Variants in NSL1 observed in about 807,000 individuals in gnomAD.
NSL1 encodes the protein kinetochore-associated protein NSL1 homolog.
Under a neutral mutation model 25.4 loss-of-function variants are expected in NSL1, and 11 were observed. The ratio of observed to expected loss-of-function variants is 0.43; its 90% confidence interval spans 0.27 to 0.72. The LOEUF (loss-of-function observed/expected upper bound fraction) is 0.72. Among genes scored for constraint, NSL1 ranks in the 30% least tolerant of loss-of-function variants. NSL1 has a pLI of 0.19. For missense variants in NSL1, 330 were observed against 342.7 expected, an observed-to-expected ratio of 0.96 and a Z score of 0.29; for synonymous variants, 118 against 120.6, an observed-to-expected ratio of 0.98 and a Z score of 0.14.
chr1:212,761,580 G>A (rs981961247), intron 4 of NSL1, among the ~76,000 whole-genome samples: 7 of 152,048 alleles, frequency 4.6e-5, no homozygotes, highest in African/African-American at 1.5e-4. Flanking sequence ...GCTGCAGTGA[G>A]CTGTGACTGT....
intron 1 of NSL1, among the ~76,000 whole-genome samples, chr1:212,790,450 T>C (rs1050192212): frequency 1.3e-5 from 2 of 152,206 alleles, no homozygotes; most frequent in African/African-American, 4.8e-5. Flanking sequence ...TTCCCAAGCC[T>C]TTCTTAAATA....
intron 3 of NSL1, 81 bp downstream of exon 3, chr1:212,784,282 T>C (rs751193075): frequency 2.2e-6 from 2 of 917,712 alleles, no homozygotes; most frequent in Admixed American, 5.1e-5. Context: ...AAATGTCACT[T>C]ATCTCCACGT....
At chr1:212,768,524 G>A (rs1659945006) in intron 4 of NSL1, among the ~76,000 whole-genome samples, 1 of 152,110 alleles carries the variant, frequency 6.6e-6, no homozygotes, top group Non-Finnish European at 1.5e-5. Context: ...TAAAGAAAAT[G>A]TGAATCCTAC....
chr1:212,763,014 C>T (rs754949559), intron 4 of NSL1, among the ~76,000 whole-genome samples: 3 of 152,186 alleles, frequency 2.0e-5, no homozygotes, highest in Admixed American at 6.5e-5. Context: ...AGGAGCTGGG[C>T]GTCCGGCCTT....
Position 212,729,134 on chromosome 1 carries a change from GT to G in NSL1, c.*9273del, listed in dbSNP as rs1657905957. ...AGGAATATATTAGTGTTCCATCGTA[GT>G]TTCTAAAACCAGACAAAATCATTTC... On this transcript the variant is annotated 3_prime_UTR_variant, in exon 6 of 6. Transcript: ENST00000366977. 1 of 985,308 alleles carries G rather than the reference GT, an allele frequency of 1.0e-6. No homozygotes were observed. Among genetic ancestry groups the G allele is most frequent in the African/African-American group, 1.7e-5 (1 of 57,246 alleles). The allele number at this position is 985,308 out of a possible 1,614,324, so 61.0% of individuals were successfully genotyped here.
At chr1:212,757,555 C>T (rs1353414913) in intron 4 of NSL1, among the ~76,000 whole-genome samples, 2 of 152,122 alleles carry the variant, frequency 1.3e-5, no homozygotes, top group Non-Finnish European at 1.5e-5. Flanking sequence ...AGTGAGCTTT[C>T]AATCATGATG....
At position 212,737,894 on chromosome 1, in the gene NSL1, G is replaced by GTAT; in HGVS notation, c.*511_*513dup. The GTAT allele has an allele frequency of 6.1e-6, 6 of 985,236 alleles. No homozygotes were observed. In the South Asian group the frequency reaches 2.8e-4, roughly 46 times the overall value. The allele number at this position is 985,236 out of a possible 1,614,324, so 61.0% of individuals were successfully genotyped here. A position where few individuals can be genotyped will look rare whatever the true frequency, so the allele number is the denominator to read the frequency against. On this transcript the variant is annotated 3_prime_UTR_variant, in exon 6 of 6. Coordinates refer to ENST00000366977, the MANE Select transcript of NSL1 (RefSeq NM_015471.4). ...ACATGGAGTAACAAAGTCAAAGCCA[G>GTAT]TATTATCATCAGCACATTAATTTGA...
chr1:212,770,701 C>T (rs1660062615), intron 4 of NSL1, among the ~76,000 whole-genome samples: 1 of 152,132 alleles, frequency 6.6e-6, no homozygotes, highest in African/African-American at 2.4e-5. Flanking sequence ...TCTGTGAGAA[C>T]AGTATTACCC....
chr1:212,746,278 G>C (rs566569288), intron 4 of NSL1, among the ~76,000 whole-genome samples: 34 of 152,102 alleles, frequency 2.2e-4, no homozygotes, highest in African/African-American at 8.2e-4. Flanking sequence ...CATAAAGGGG[G>C]AGAAACAGAG....
intron 4 of NSL1, among the ~76,000 whole-genome samples, chr1:212,775,025 C>T (rs1660297969): frequency 6.6e-6 from 1 of 152,024 alleles, no homozygotes. Flanking sequence ...ATATAAAATA[C>T]ATAGTATATG....
In NSL1 at chr1:212,732,221, C is replaced by T. The variant is rs944158146; in HGVS notation, c.*6187G>A. ...ACATCTTAATCATATTACAAAACATCTCCTTTATACAATTTTCTGCATAGT... is the reference window on the plus strand; with the variant it reads ...ACATCTTAATCATATTACAAAACATTTCCTTTATACAATTTTCTGCATAGT... On this transcript the variant is annotated 3_prime_UTR_variant, in exon 6 of 6. Coordinates refer to ENST00000366977, the MANE Select transcript of NSL1 (RefSeq NM_015471.4). 19 of 981,282 alleles carry T rather than the reference C, an allele frequency of 1.9e-5. No individual in the cohort carries two copies. Among genetic ancestry groups the T allele is most frequent in the Non-Finnish European group, 2.3e-5 (19 of 826,548 alleles). 60.8% of individuals were successfully genotyped at this position (981,282 alleles called of 1,614,324 possible). A position where few individuals can be genotyped will look rare whatever the true frequency, so the allele number is the denominator to read the frequency against.
Position 212,790,930 on chromosome 1 carries a change from A to AAAAT in NSL1, c.234+599_234+600insATTT, listed in dbSNP as rs1558069990. Among the ~76,000 whole-genome samples, 12 of 151,224 alleles carry AAAAT rather than the reference A, an allele frequency of 7.9e-5. No individual in the cohort carries two copies. The East Asian group carries it at 9.6e-4, about 12-fold the overall frequency. On this transcript the variant is annotated intron_variant, in intron 1 of 5. Transcript: ENST00000366977. ...AGAGCGAGACTCTGTCTCAAAAAAA[A>AAAAT]AAAATAAAATAAAATAAATAAATAA... is the stretch of plus-strand genomic sequence containing the variant.
intron 4 of NSL1, among the ~76,000 whole-genome samples, chr1:212,763,488 A>G (rs886137712): frequency 9.2e-5 from 14 of 152,240 alleles, no homozygotes; most frequent in Admixed American, 8.5e-4. Flanking sequence ...TAAAAGATAC[A>G]GAATGACAGA....
At chr1:212,761,576 G>C (rs1659566402) in intron 4 of NSL1, among the ~76,000 whole-genome samples, 1 of 152,094 alleles carries the variant, frequency 6.6e-6, no homozygotes, top group Non-Finnish European at 1.5e-5. Context: ...GAAGGCTGCA[G>C]TGAGCTGTGA....
rs902671008 is a variant in NSL1 at position 212,735,423 on chromosome 1, C to T, written c.*2985G>A. Reference sequence around the variant, plus strand: ...ATTCAGCCTTAGAAAAGAAAAAGTACATCTTACAAGATGAAATCATACTGT... The same window carrying T: ...ATTCAGCCTTAGAAAAGAAAAAGTATATCTTACAAGATGAAATCATACTGT... On this transcript the variant is annotated 3_prime_UTR_variant, in exon 6 of 6. Coordinates refer to ENST00000366977, the MANE Select transcript of NSL1 (RefSeq NM_015471.4). The T allele has an allele frequency of 5.1e-6, 5 of 985,290 alleles. No individual in the cohort carries two copies. The African/African-American group carries it at 8.7e-5, about 17-fold the overall frequency. The allele number at this position is 985,290 out of a possible 1,614,324, so 61.0% of individuals were successfully genotyped here.
At chr1:212,783,433 T>C (rs1229066933) in intron 3 of NSL1, among the ~76,000 whole-genome samples, 1 of 152,110 alleles carries the variant, frequency 6.6e-6, no homozygotes, top group Non-Finnish European at 1.5e-5. Context: ...TAAAGAAAAT[T>C]AAAAATTCTG....
chr1:212,771,029 A>G (rs1660080178), intron 4 of NSL1, among the ~76,000 whole-genome samples: 1 of 152,190 alleles, frequency 6.6e-6, no homozygotes, highest in Non-Finnish European at 1.5e-5. Context: ...AAAACTCTCA[A>G]CAGGCCAGGC....
chr1:212,757,681 C>T (rs1659379951), intron 4 of NSL1, among the ~76,000 whole-genome samples: 1 of 152,134 alleles, frequency 6.6e-6, no homozygotes. Context: ...AGGGAGAGCT[C>T]ACTCATTACC....
At chr1:212,773,615 A>G (rs943632276) in intron 4 of NSL1, among the ~76,000 whole-genome samples, 1 of 152,178 alleles carries the variant, frequency 6.6e-6, no homozygotes, top group East Asian at 1.9e-4. Context: ...CTACAATGGA[A>G]AACAATATGG....
Sources: gnomAD v4.1 joint callset for allele counts (sites outside exome capture counted in the v4.1 genomes callset) on GRCh38, gnomAD v4.1.1 for gene constraint, MANE v1.5 for transcripts, NCBI Gene and HGNC (gene_info 2026-07-23, HGNC 2026-07-21) for gene names.